The following SMS variants were observed in gnomAD, a reference collection of about 807,000 sequenced individuals.
The protein encoded by SMS is spermidine aminopropyltransferase.
SMS carries 3 observed loss-of-function variants against 33.0 expected under a neutral mutation model. The observed-to-expected ratio is 0.09, with a 90% confidence interval of 0.04 to 0.23. SMS has a LOEUF of 0.23. SMS is among the 10% of genes least tolerant of loss of function. The pLI, the probability that SMS is intolerant of heterozygous loss-of-function variation, is 1.00. For synonymous variants in SMS, 103 were observed against 112.2 expected, an observed-to-expected ratio of 0.92 and a Z score of 0.52; for missense variants, 117 against 288.6, an observed-to-expected ratio of 0.41 and a Z score of 4.31.
chrX:21,945,693 G>T (rs1423400189), intron 1 of SMS, among the ~76,000 whole-genome samples: 1 of 88,587 alleles, frequency 1.1e-5, no homozygotes, highest in African/African-American at 4.6e-5. Flanking sequence ...GCAATGGCAC[G>T]ATCTCAGTGT....
chrX:21,943,588 C>A (rs1329623587), intron 1 of SMS, among the ~76,000 whole-genome samples: 1 of 109,167 alleles, frequency 9.2e-6, no homozygotes. Context: ...GATGAGAAAG[C>A]TTTGATGGCA....
intron 2 of SMS, among the ~76,000 whole-genome samples, chrX:21,967,672 G>A (rs1923834182): frequency 8.9e-6 from 1 of 111,970 alleles, no homozygotes; most frequent in South Asian, 3.7e-4. Context: ...TGAAGGGAGT[G>A]ACGTGAATAG....
chrX:21,990,638 A>G (rs1037603956), intron 9 of SMS, among the ~76,000 whole-genome samples: 1 of 112,514 alleles, frequency 8.9e-6, no homozygotes, highest in Admixed American at 9.4e-5. Flanking sequence ...GAAAGAACAA[A>G]TTGAAACTTT....
intron 1 of SMS, among the ~76,000 whole-genome samples, chrX:21,963,712 G>A (rs921379603): frequency 1.8e-5 from 2 of 111,679 alleles, no homozygotes; most frequent in African/African-American, 6.5e-5. Flanking sequence ...CAGCCACCCA[G>A]GCCAGGGTCC....
intron 1 of SMS, among the ~76,000 whole-genome samples, chrX:21,950,656 C>T (rs1424058034): frequency 9.3e-6 from 1 of 107,663 alleles, no homozygotes; most frequent in East Asian, 3.0e-4. Flanking sequence ...TTCATGTGTT[C>T]TCATTGTTGG....
At chrX:21,941,377 C>T (rs779905482) in intron 1 of SMS, 1 of 235,202 alleles carries the variant, frequency 4.3e-6, no homozygotes, top group South Asian at 4.1e-5. Context: ...GGTAAATTTC[C>T]CTCTTGGGGG....
chrX:21,944,333 C>A (rs750981592), intron 1 of SMS, among the ~76,000 whole-genome samples: 1 of 110,185 alleles, frequency 9.1e-6, no homozygotes, highest in African/African-American at 3.3e-5. Context: ...TTAGGCATAT[C>A]TGAGTTGGTG....
intron 1 of SMS, among the ~76,000 whole-genome samples, chrX:21,949,880 AAAAT>A (rs1324393743): frequency 2.9e-4 from 32 of 111,310 alleles, no homozygotes; most frequent in Non-Finnish European, 3.8e-5. Flanking sequence ...ATAACACAAA[AAAAT>A]GCTGATTCGG....
intron 9 of SMS, among the ~76,000 whole-genome samples, chrX:21,988,836 G>A (rs1925565900): frequency 1.8e-5 from 2 of 111,070 alleles, no homozygotes; most frequent in South Asian, 7.6e-4. Context: ...CCAGGAAGCT[G>A]GGGAATGCAT....
intron 7 of SMS, among the ~76,000 whole-genome samples, chrX:21,980,429 A>AAAAAAAAAAT (rs1260210326): frequency 7.9e-5 from 5 of 63,049 alleles, no homozygotes; most frequent in Non-Finnish European, 1.2e-4. Flanking sequence ...AAAAAAAAAA[A>AAAAAAAAAAT]ATATATATAT....
At chrX:21,957,280 C>G (rs1010953680) in intron 1 of SMS, among the ~76,000 whole-genome samples, 1 of 109,720 alleles carries the variant, frequency 9.1e-6, no homozygotes, top group Admixed American at 9.7e-5. Context: ...GAGAATGGCT[C>G]AGCTGGGTCC....
At chrX:21,994,020 C>T (rs1469735134) in intron 10 of SMS, among the ~76,000 whole-genome samples, 2 of 107,792 alleles carry the variant, frequency 1.9e-5, no homozygotes, top group Non-Finnish European at 3.8e-5. Flanking sequence ...CCTTCTCATA[C>T]TAATTCCCTA....
intron 7 of SMS, among the ~76,000 whole-genome samples, chrX:21,979,200 A>G (rs866765200): frequency 1.6e-4 from 14 of 88,536 alleles, no homozygotes; most frequent in African/African-American, 2.0e-4. Flanking sequence ...TTTTTTTTTT[A>G]TTATACTTTC....
chrX:21,955,268 A>G (rs1396730459), intron 1 of SMS, among the ~76,000 whole-genome samples: 1 of 112,559 alleles, frequency 8.9e-6, no homozygotes, highest in Non-Finnish European at 1.9e-5. Flanking sequence ...TTCCCAGATA[A>G]TAAAACTGGC....
chrX:21,967,143 T>A, intron 1 of SMS, 53 bp from the exon 2 acceptor site: 1 of 1,193,540 alleles, frequency 8.4e-7, no homozygotes, highest in East Asian at 3.0e-5. Context: ...TCATTGGCCT[T>A]CCTTCTGAAC....
chrX:21,958,549 A>C (rs1322612985), intron 1 of SMS, among the ~76,000 whole-genome samples: 1 of 112,433 alleles, frequency 8.9e-6, no homozygotes, highest in Non-Finnish European at 1.9e-5. Context: ...CATGACAATC[A>C]ACTTTAGAAC....
Position 21,977,250 on chromosome X carries a change from C to A in SMS, c.505+14C>A. ...GTGGGGATGTTAGTAAGTATTCCAT[C>A]CCTGCCCCGATCACGTAACAAAGTG... On this transcript the variant is annotated intron_variant, in intron 5 of 10. Transcript: ENST00000404933. 8.5e-7 allele frequency: 1 copy of A among 1,172,824 alleles called. No homozygotes were observed. The highest frequency in any genetic ancestry group is 1.2e-6 in the Non-Finnish European group (1 of 859,877).
rs1408893547 is a variant in SMS at position 21,984,330 on chromosome X, A to G, written c.777A>G (p.Val259=). 1 of 1,184,049 alleles carries G rather than the reference A, an allele frequency of 8.4e-7. No individual in the cohort carries two copies. The highest frequency in any genetic ancestry group is 2.2e-5 in the Admixed American group (1 of 46,013). ...YQVLIEDCIP[V]LKRYAKEGRE... ...TTCTAATAGAAGACTGTATCCCGGT[A>G]CTGAAGAGGTACGCCAAAGAAGGGA... Residue 259 remains valine, a synonymous_variant, in exon 8 of 11, where the codon GTA becomes GTG. Coordinates refer to ENST00000404933, the MANE Select transcript of SMS (RefSeq NM_004595.5).
chrX:21,982,672 T>A (rs1925045427), intron 7 of SMS, among the ~76,000 whole-genome samples: 2 of 112,751 alleles, frequency 1.8e-5, no homozygotes, highest in South Asian at 7.2e-4. Context: ...GTGTATTTTT[T>A]AAAATGTGTG....
Sources: gnomAD v4.1 joint callset for allele counts (sites outside exome capture counted in the v4.1 genomes callset) on GRCh38, gnomAD v4.1.1 for gene constraint, MANE v1.5 for transcripts, NCBI Gene and HGNC (gene_info 2026-07-23, HGNC 2026-07-21) for gene names.